HAS3: variants seen among roughly 807,000 people sequenced by gnomAD.
The protein encoded by HAS3 is HA synthase 3.
Under a neutral mutation model 50.3 loss-of-function variants are expected in HAS3, and 27 were observed. The observed-to-expected ratio is 0.54, with a 90% CI of 0.40 to 0.74. The LOEUF (loss-of-function observed/expected upper bound fraction) is 0.74, where lower values mean the gene tolerates loss of function less well. Ranked by LOEUF, HAS3 falls within the 30% of genes least tolerant of loss-of-function variation. The pLI is 0.00. For missense variants in HAS3, 517 were observed against 742.8 expected, an observed-to-expected ratio of 0.70 and a Z score of 3.53; for synonymous variants, 339 against 310.9, an observed-to-expected ratio of 1.09 and a Z score of -0.95.
At chr16:69,086,321 A>G in the HAS3 span, among the ~76,000 whole-genome samples, 9 of 150,892 alleles carry the variant, frequency 6.0e-5, no homozygotes, top group African/African-American at 2.2e-4. Context: ...GGTGTGCACT[A>G]TTGCACCTGG....
chr16:69,102,971 C>G (rs1960711757), upstream of HAS3, among the ~76,000 whole-genome samples: 1 of 151,790 alleles, frequency 6.6e-6, no homozygotes, highest in Admixed American at 6.6e-5. Context: ...GGATATGACT[C>G]AGACACATTA....
chr16:69,095,964 CCAG>C, the HAS3 span, among the ~76,000 whole-genome samples: 1 of 151,718 alleles, frequency 6.6e-6, no homozygotes, highest in East Asian at 1.9e-4. Flanking sequence ...GCCTGTAATC[CCAG>C]CACTTTGGAG....
At chr16:69,090,332 CG>C in the HAS3 span, among the ~76,000 whole-genome samples, 1 of 152,116 alleles carries the variant, frequency 6.6e-6, no homozygotes, top group African/African-American at 2.4e-5. Context: ...GGCTGCTGTG[CG>C]TATTTGTGTA....
chr16:69,110,976 G>A (rs1350872793), intron 2 of HAS3, among the ~76,000 whole-genome samples: 12 of 151,958 alleles, frequency 7.9e-5, no homozygotes, highest in Non-Finnish European at 1.5e-5. Context: ...CGGCAGGGGC[G>A]GGACCCTGAT....
intron 3 of HAS3, among the ~76,000 whole-genome samples, chr16:69,113,948 C>G (rs1961094871): frequency 6.6e-6 from 1 of 152,196 alleles, no homozygotes; most frequent in Non-Finnish European, 1.5e-5. Flanking sequence ...GCCAGAGATA[C>G]TGAAGCAGCA....
chr16:69,116,852 C>A lies in HAS3; in HGVS notation c.*1586C>A. 1 of 985,426 alleles carries A rather than the reference C, an allele frequency of 1.0e-6. No homozygotes were observed. Among genetic ancestry groups the A allele is most frequent in the Non-Finnish European group, 1.2e-6 (1 of 829,950 alleles). 61.0% of individuals were successfully genotyped at this position (985,426 alleles called of 1,614,324 possible). ...CTCCAAATGTCCTTTCTCAGAGGGG[C>A]CAGCTAACCCGTGCAGAACCAGCAC... On this transcript the variant is annotated 3_prime_UTR_variant, in exon 4 of 4. Transcript: ENST00000569188.
chr16:69,112,314 A>G (rs1350313794), intron 2 of HAS3, among the ~76,000 whole-genome samples: 1 of 152,210 alleles, frequency 6.6e-6, no homozygotes. Context: ...CTTCCCAGGC[A>G]TGGACCAGGA....
At chr16:69,094,262 C>T in the HAS3 span, among the ~76,000 whole-genome samples, 1 of 152,172 alleles carries the variant, frequency 6.6e-6, no homozygotes, top group East Asian at 1.9e-4. Context: ...TATTATCACA[C>T]ACACAGGTAG....
At chr16:69,105,037 T>A (rs1960754605), upstream of HAS3, among the ~76,000 whole-genome samples, 1 of 119,104 alleles carries the variant, frequency 8.4e-6, no homozygotes, top group Non-Finnish European at 1.7e-5. Context: ...AGACGGAGTC[T>A]CGCTCTGCTG....
chr16:69,089,093 C>T, the HAS3 span, among the ~76,000 whole-genome samples: 1 of 152,068 alleles, frequency 6.6e-6, no homozygotes, highest in Non-Finnish European at 1.5e-5. Flanking sequence ...TCCTCTTTGG[C>T]TCAAAAAGGA....
Position 69,109,513 on chromosome 16 carries a change from A to G in HAS3, c.118A>G (p.Lys40Glu). 1.2e-6 allele frequency: 2 copies of G among 1,614,036 alleles called. No individual in the cohort carries two copies. Among genetic ancestry groups the G allele is most frequent in the Non-Finnish European group, 1.7e-6 (2 of 1,180,022 alleles). Residue 40 changes from lysine to glutamate, a missense_variant, in exon 2 of 4, where the codon AAG (lysine) becomes GAG (glutamate). Lys to Glu is a moderately conservative substitution (Grantham distance 56, BLOSUM62 1). Coordinates refer to ENST00000569188, the MANE Select transcript of HAS3 (RefSeq NM_001199280.2). This position sits in a 1 kb window ranked among gnomAD's most constrained non-coding sequence, Gnocchi z 5.3. Reference protein sequence around the residue: ...VTGYQFIHTEKHYLSFGLYGA... With the variant: ...VTGYQFIHTEEHYLSFGLYGA... Reference sequence around the variant, plus strand: ...GGGCTACCAGTTCATCCACACGGAAAAGCACTACCTGTCCTTCGGCCTGTA... The same window carrying G: ...GGGCTACCAGTTCATCCACACGGAAGAGCACTACCTGTCCTTCGGCCTGTA...
rs1231271601 is a variant in HAS3 at position 69,107,463 on chromosome 16, T to C, written c.-1+1676T>C. ...TTTCCGTTCCTTCCCGGTTGGGTCGTGGGAAAGCGGCACGTGGGTGTGGCC... is the reference window on the plus strand; with the variant it reads ...TTTCCGTTCCTTCCCGGTTGGGTCGCGGGAAAGCGGCACGTGGGTGTGGCC... On this transcript the variant is annotated intron_variant, in intron 1 of 3. Transcript: ENST00000569188. The surrounding 1 kb of genome is among the most constrained non-coding windows in gnomAD (Gnocchi z 5.5). The C allele has an allele frequency of 1.4e-5, 14 of 985,402 alleles. No individual in the cohort carries two copies. The highest frequency in any genetic ancestry group is 7.0e-5 in the African/African-American group (4 of 57,216). The allele number at this position is 985,402 out of a possible 1,614,324, so 61.0% of individuals were successfully genotyped here. A position where few individuals can be genotyped will look rare whatever the true frequency, so the allele number is the denominator to read the frequency against.
chr16:69,096,758 C>A, the HAS3 span, among the ~76,000 whole-genome samples: 2 of 151,672 alleles, frequency 1.3e-5, no homozygotes, highest in African/African-American at 4.8e-5. Flanking sequence ...ACTGAGACTA[C>A]AGGCAAGCAC....
At position 69,117,132 on chromosome 16, in the gene HAS3, C is replaced by G. The variant is rs1008129378; in HGVS notation, c.*1866C>G. 1 of 985,664 alleles carries G rather than the reference C, an allele frequency of 1.0e-6. No individual in the cohort carries two copies. Among genetic ancestry groups the G allele is most frequent in the Non-Finnish European group, 1.2e-6 (1 of 829,908 alleles). The allele number at this position is 985,664 out of a possible 1,614,324, so 61.1% of individuals were successfully genotyped here. A position where few individuals can be genotyped will look rare whatever the true frequency, so the allele number is the denominator to read the frequency against. On this transcript the variant is annotated 3_prime_UTR_variant, in exon 4 of 4. Transcript: ENST00000569188. ...GCAGGCATTTGCTAAGGCAGCTGAT[C>G]CAGGCAATCGTTCTGCTGGCCAAGA...
the HAS3 span, among the ~76,000 whole-genome samples, chr16:69,086,177 T>C: frequency 2.6e-5 from 4 of 151,612 alleles, no homozygotes; most frequent in African/African-American, 9.7e-5. Flanking sequence ...CAATTTTTTT[T>C]TCTTTTTAAC....
upstream of HAS3, among the ~76,000 whole-genome samples, chr16:69,104,992 G>GTTTTTTTTTTTTT (rs565397720): frequency 3.2e-4 from 26 of 81,976 alleles, 3 homozygotes; most frequent in Admixed American, 5.2e-4. Context: ...CTGTTTTTTG[G>GTTTTTTTTTTTTT]TTTTTTTTTT....
At position 69,116,712 on chromosome 16, in the gene HAS3, G is replaced by A. The variant is rs1373830730; in HGVS notation, c.*1446G>A. ...TGGCTGTTTTCCCTCTGCTGCTTTT[G>A]GGGAATGAGGGGAAGCCATTTTCCA... On this transcript the variant is annotated 3_prime_UTR_variant, in exon 4 of 4. Transcript: ENST00000569188. 1.1e-4 allele frequency: 107 copies of A among 985,402 alleles called. No homozygotes were observed. The highest frequency in any genetic ancestry group is 1.3e-4 in the Non-Finnish European group (107 of 829,954). The allele number at this position is 985,402 out of a possible 1,614,324, so 61.0% of individuals were successfully genotyped here.
Position 69,110,045 on chromosome 16 carries a change from C to T in HAS3, c.636+14C>T, listed in dbSNP as rs757148139. ...GACTACATCCAGGTAAGGGCGCCTC[C>T]CTAGGAGCGTGTGTACATGGGGATA... is the stretch of plus-strand genomic sequence containing the variant. On this transcript the variant is annotated intron_variant, in intron 2 of 3. Transcript: ENST00000569188. The T allele has an allele frequency of 5.7e-6, 9 of 1,591,196 alleles. No individual in the cohort carries two copies. Among genetic ancestry groups the T allele is most frequent in the Non-Finnish European group, 7.7e-6 (9 of 1,166,302 alleles).
At chr16:69,099,818 G>GTT in the HAS3 span, among the ~76,000 whole-genome samples, 4 of 145,030 alleles carry the variant, frequency 2.8e-5, no homozygotes, top group African/African-American at 2.5e-5. Flanking sequence ...TGCCTTCTGG[G>GTT]TTTTTTTTTT....
Sources: gnomAD v4.1 joint callset for allele counts (sites outside exome capture counted in the v4.1 genomes callset) on GRCh38, gnomAD v4.1.1 for gene constraint, Gnocchi (gnomAD v3.1) non-coding constraint, MANE v1.5 for transcripts, NCBI Gene and HGNC (gene_info 2026-07-23, HGNC 2026-07-21) for gene names.